ZCCHC4: variants seen among roughly 807,000 people sequenced by gnomAD.
The protein encoded by ZCCHC4 is rRNA N(6)-adenosine-methyltransferase ZCCHC4.
ZCCHC4 carries 54 observed loss-of-function variants against 67.7 expected under a neutral mutation model. The ratio of observed to expected loss-of-function variants is 0.80; its 90% CI spans 0.64 to 1.00. ZCCHC4 has a LOEUF of 1.00. Among genes scored for constraint, ZCCHC4 ranks in the 50% least tolerant of loss-of-function variants. The pLI is 0.00. For synonymous variants in ZCCHC4, 198 were observed against 213.5 expected, an observed-to-expected ratio of 0.93 and a Z score of 0.63; for missense variants, 609 against 617.0, an observed-to-expected ratio of 0.99 and a Z score of 0.14.
intron 8 of ZCCHC4, among the ~76,000 whole-genome samples, chr4:25,353,793 T>A (rs549548094): frequency 6.6e-6 from 1 of 152,292 alleles, no homozygotes; most frequent in African/African-American, 2.4e-5. Flanking sequence ...AAATAATACC[T>A]GGAAAGGCTT....
At chr4:25,347,245 A>C (rs1011591544) in intron 6 of ZCCHC4, among the ~76,000 whole-genome samples, 6 of 152,220 alleles carry the variant, frequency 3.9e-5, no homozygotes, top group African/African-American at 1.4e-4. Flanking sequence ...ATTTTGAACA[A>C]TGAAGACAAA....
At chr4:25,334,406 G>A (rs1157172014) in intron 5 of ZCCHC4, among the ~76,000 whole-genome samples, 2 of 152,180 alleles carry the variant, frequency 1.3e-5, no homozygotes, top group Non-Finnish European at 2.9e-5. Flanking sequence ...TTTACTGGAT[G>A]TTGTACATAT....
chr4:25,340,115 G>T (rs1194364089), intron 5 of ZCCHC4, among the ~76,000 whole-genome samples: 1 of 151,996 alleles, frequency 6.6e-6, no homozygotes, highest in African/African-American at 2.4e-5. Context: ...TGATCCACCC[G>T]CCTCGGCCTC....
chr4:25,369,315 G>T lies in ZCCHC4; in HGVS notation c.*151G>T. 1 of 997,584 alleles carries T rather than the reference G, an allele frequency of 1.0e-6. No individual in the cohort carries two copies. Among genetic ancestry groups the T allele is most frequent in the African/African-American group, 1.7e-5 (1 of 59,738 alleles). 61.8% of individuals were successfully genotyped at this position (997,584 alleles called of 1,614,324 possible). On this transcript the variant is annotated 3_prime_UTR_variant, in exon 13 of 13. Transcript: ENST00000302874. ...GGCAGGTGGCATTTGCTGGTTTACA[G>T]TCCCTTATCTGCCTCTCTGGAGACA...
chr4:25,347,184 G>A (rs1720065511), intron 6 of ZCCHC4, among the ~76,000 whole-genome samples: 1 of 151,950 alleles, frequency 6.6e-6, no homozygotes, highest in Non-Finnish European at 1.5e-5. Context: ...AGTGAGTTAG[G>A]GTTTTCTTGT....
At chr4:25,332,616 G>A (rs1033104987) in intron 3 of ZCCHC4, among the ~76,000 whole-genome samples, 3 of 152,192 alleles carry the variant, frequency 2.0e-5, no homozygotes, top group African/African-American at 7.2e-5. Flanking sequence ...GGGATATTCA[G>A]TGTAGTCTTT....
chr4:25,312,980 G>C, intron 1 of ZCCHC4, 44 bp downstream of exon 1: 1 of 1,603,302 alleles, frequency 6.2e-7, no homozygotes, highest in Non-Finnish European at 8.5e-7. Context: ...GGCGCTGAGG[G>C]TGTGAGTTGG....
chr4:25,335,709 G>A (rs1560405577), intron 5 of ZCCHC4, among the ~76,000 whole-genome samples: 2 of 152,282 alleles, frequency 1.3e-5, no homozygotes, highest in Admixed American at 6.5e-5. Context: ...GTAGTGAGCC[G>A]AGATTGCGCC....
chr4:25,324,284 G>T (rs1577728197), intron 3 of ZCCHC4, among the ~76,000 whole-genome samples: 1 of 151,682 alleles, frequency 6.6e-6, no homozygotes, highest in Non-Finnish European at 1.5e-5. Context: ...CAAAGTGCTG[G>T]GATTACAGGC....
intron 4 of ZCCHC4, 37 bp from the exon 5 acceptor site, chr4:25,333,871 A>G (rs370056871): frequency 1.2e-4 from 162 of 1,389,542 alleles, no homozygotes; most frequent in Admixed American, 1.4e-4. Flanking sequence ...TGACATTTGT[A>G]ATATCTTATT....
intron 3 of ZCCHC4, 42 bp downstream of exon 3, chr4:25,315,442 A>T: frequency 1.3e-6 from 2 of 1,483,930 alleles, no homozygotes; most frequent in Non-Finnish European, 1.8e-6. Context: ...TTTAGCTGTC[A>T]TTTTTTTTGT....
intron 3 of ZCCHC4, among the ~76,000 whole-genome samples, chr4:25,321,371 TTTTG>T (rs942245586): frequency 7.2e-5 from 11 of 151,898 alleles, no homozygotes; most frequent in East Asian, 1.9e-4. Flanking sequence ...TCCTGGCTAA[TTTTG>T]TTTGTTTGTT....
Position 25,333,068 on chromosome 4 carries a change from C to T in ZCCHC4, c.330-115C>T, listed in dbSNP as rs535541771. The T allele has an allele frequency of 7.3e-5, 74 of 1,014,370 alleles. 1 individual carries two copies. The Middle Eastern group carries it at 9.3e-4, about 13-fold the overall frequency. 62.8% of individuals were successfully genotyped at this position (1,014,370 alleles called of 1,614,324 possible). A position where few individuals can be genotyped will look rare whatever the true frequency, so the allele number is the denominator to read the frequency against. ...GATTTCTTCCTACTTTTCTTCTTTA[C>T]GCAGTACTCTTTAGGAAGTAAAAAT... is the stretch of plus-strand genomic sequence containing the variant. On this transcript the variant is annotated intron_variant, in intron 3 of 12. Coordinates refer to ENST00000302874, the MANE Select transcript of ZCCHC4 (RefSeq NM_024936.3).
intron 10 of ZCCHC4, 138 bp from the exon 11 acceptor site, chr4:25,364,316 T>G (rs1213142332): frequency 3.2e-5 from 19 of 586,280 alleles, no homozygotes; most frequent in Non-Finnish European, 4.5e-5. Context: ...AGTATCTAAT[T>G]GTGAAGCCCA....
intron 8 of ZCCHC4, among the ~76,000 whole-genome samples, chr4:25,360,991 T>G (rs1318796726): frequency 6.6e-6 from 1 of 152,192 alleles, no homozygotes; most frequent in Non-Finnish European, 1.5e-5. Flanking sequence ...TACTGATACC[T>G]GGGTGGTCTA....
chr4:25,340,843 T>C (rs1719722860), intron 5 of ZCCHC4, among the ~76,000 whole-genome samples: 1 of 152,200 alleles, frequency 6.6e-6, no homozygotes, highest in Non-Finnish European at 1.5e-5. Flanking sequence ...AGTTAACCAT[T>C]GAATAACATG....
intron 5 of ZCCHC4, among the ~76,000 whole-genome samples, chr4:25,344,742 A>C (rs926749877): frequency 6.6e-6 from 1 of 151,588 alleles, no homozygotes; most frequent in African/African-American, 2.4e-5. Flanking sequence ...TACTTTCTCT[A>C]TTATATTGAA....
chr4:25,358,602 T>G (rs1437403544), intron 8 of ZCCHC4, among the ~76,000 whole-genome samples: 4 of 152,268 alleles, frequency 2.6e-5, no homozygotes, highest in Non-Finnish European at 4.4e-5. Flanking sequence ...AAACTCTTGC[T>G]CTTAAGAATT....
At chr4:25,339,586 C>A (rs2109071214) in intron 5 of ZCCHC4, among the ~76,000 whole-genome samples, 1 of 152,090 alleles carries the variant, frequency 6.6e-6, no homozygotes, top group Non-Finnish European at 1.5e-5. Flanking sequence ...AATCCTTTGC[C>A]CAGTTTTTAA....
Sources: allele counts gnomAD v4.1 joint callset (sites outside exome capture counted in the v4.1 genomes callset), GRCh38; gene constraint gnomAD v4.1.1; transcripts MANE v1.5; gene names NCBI Gene and HGNC (gene_info 2026-07-23, HGNC 2026-07-21).